The following VCPIP1 variants were observed in gnomAD, a reference collection of about 807,000 sequenced individuals.
The protein encoded by VCPIP1 is deubiquitinating protein VCPIP1.
Under a neutral mutation model 85.0 loss-of-function variants are expected in VCPIP1, and 8 were observed. That is an observed-to-expected ratio of 0.09 (90% confidence interval 0.06 to 0.17). The LOEUF (loss-of-function observed/expected upper bound fraction) is 0.17, where lower values mean the gene tolerates loss of function less well. VCPIP1 is among the 10% of genes least tolerant of loss of function. The probability of loss-of-function intolerance (pLI) is 1.00; values close to 1 mark genes in which losing one functional copy is unlikely to be tolerated. For missense variants in VCPIP1, 1,070 were observed against 1,486.3 expected, an observed-to-expected ratio of 0.72 and a Z score of 4.61; for synonymous variants, 543 against 544.5, an observed-to-expected ratio of 1.00 and a Z score of 0.04.
In VCPIP1 at chr8:66,630,971, G is replaced by A. The variant is rs952877632; in HGVS notation, c.*3530C>T. Reference sequence around the variant, plus strand: ...TTATACTGTGAAGAGCCTTAAGGTTGTACAATTTTGTTAAATTATATGATA... The same window carrying A: ...TTATACTGTGAAGAGCCTTAAGGTTATACAATTTTGTTAAATTATATGATA... On this transcript the variant is annotated 3_prime_UTR_variant, in exon 3 of 3. Transcript: ENST00000310421. 3.9e-5 allele frequency: 6 copies of A among 152,346 alleles called. No individual in the cohort carries two copies. Among genetic ancestry groups the A allele is most frequent in the African/African-American group, 1.2e-4 (5 of 41,424 alleles). 9.4% of individuals were successfully genotyped at this position (152,346 alleles called of 1,614,324 possible).
In VCPIP1 at chr8:66,635,007, T is replaced by C; in HGVS notation, c.3163A>G (p.Asn1055Asp). 6.2e-7 allele frequency: 1 copy of C among 1,613,674 alleles called. No homozygotes were observed. Among genetic ancestry groups the C allele is most frequent in the Non-Finnish European group, 8.5e-7 (1 of 1,179,664 alleles). Reference protein sequence around the residue: ...ARETSVVRKHNTGTDFSNSST... With the variant: ...ARETSVVRKHDTGTDFSNSST... ...CTATTACTAAAGTCTGTCCCTGTAT[T>C]ATGCTTTCTTACAACTGAAGTTTCC... Residue 1055 changes from asparagine to aspartate, a missense_variant, in exon 3 of 3, where the codon AAT (asparagine) becomes GAT (aspartate). Around this residue, in one of 8 missense-constraint regions of VCPIP1, gnomAD observed 255 missense variants for 289.5 expected, o/e 0.88. Coordinates refer to ENST00000310421, the MANE Select transcript of VCPIP1 (RefSeq NM_025054.5).
rs74901890 is a variant in VCPIP1 at position 66,665,731 on chromosome 8, A to G, written c.1228T>C (p.Leu410=). 0.013 allele frequency: 20,248 copies of G among 1,614,140 alleles called. 483 individuals are homozygous for G. Among genetic ancestry groups the G allele is most frequent in the South Asian group, 0.038 (3,484 of 91,076 alleles). Residue 410 remains leucine, a synonymous_variant, in exon 1 of 3, where the codon TTA becomes CTA. Coordinates refer to ENST00000310421, the MANE Select transcript of VCPIP1 (RefSeq NM_025054.5). This position sits in a 1 kb window ranked among gnomAD's most constrained non-coding sequence, Gnocchi z 4.3. ...TCCATAGCAGCAACAAGCCTAAGTA[A>G]GTATTTATCTTGCAAACTTCTGTCA... ...GGDRSLQDKY[L]LRLVAAMEEV...
intron 1 of VCPIP1, among the ~76,000 whole-genome samples, chr8:66,652,832 AG>A (rs1488274492): frequency 6.6e-6 from 1 of 152,192 alleles, no homozygotes; most frequent in African/African-American, 2.4e-5. Flanking sequence ...TTTGCTTTAT[AG>A]TTTACATTCT....
rs1810844072 is a variant in VCPIP1 at position 66,632,479 on chromosome 8, C to T, written c.*2022G>A. 6.6e-6 allele frequency: 1 copy of T among 152,104 alleles called. No homozygotes were observed. The highest frequency in any genetic ancestry group is 1.5e-5 in the Non-Finnish European group (1 of 67,952). The allele number at this position is 152,104 out of a possible 1,614,324, so 9.4% of individuals were successfully genotyped here. The stretch of plus-strand genomic sequence containing the variant: ...TAAAGTTGTCAGAGATTAAGTCCAT[C>T]TTCTAACATTCACATACGCATTCCA... On this transcript the variant is annotated 3_prime_UTR_variant, in exon 3 of 3. Transcript: ENST00000310421.
At chr8:66,647,359 ATAAG>A (rs1200201543) in intron 2 of VCPIP1, among the ~76,000 whole-genome samples, 11 of 151,824 alleles carry the variant, frequency 7.2e-5, no homozygotes, top group Admixed American at 7.2e-4. Flanking sequence ...AAGTAAGTAA[ATAAG>A]TAAGTAAATA....
intron 1 of VCPIP1, among the ~76,000 whole-genome samples, chr8:66,656,736 G>C (rs544427478): frequency 6.6e-6 from 1 of 151,208 alleles, no homozygotes; most frequent in Non-Finnish European, 1.5e-5. Context: ...CAGCCTCCTG[G>C]GTAGCTGGGA....
intron 2 of VCPIP1, among the ~76,000 whole-genome samples, chr8:66,643,819 C>T (rs1362844651): frequency 7.9e-6 from 1 of 127,228 alleles, no homozygotes; most frequent in South Asian, 2.4e-4. Context: ...AGAAAAATAA[C>T]AAACAAAAAA....
At chr8:66,651,704 T>C (rs1053492265) in intron 1 of VCPIP1, among the ~76,000 whole-genome samples, 160 bp from the exon 2 acceptor site, 17 of 152,170 alleles carry the variant, frequency 1.1e-4, no homozygotes, top group African/African-American at 4.1e-4. Context: ...TGACAGATTG[T>C]GGCATACTAG....
intron 2 of VCPIP1, 101 bp downstream of exon 2, chr8:66,651,357 T>TA: frequency 1.1e-6 from 1 of 892,488 alleles, no homozygotes; most frequent in Non-Finnish European, 1.6e-6. Flanking sequence ...AACCTAAAAT[T>TA]AACTTTGAAA....
In VCPIP1 at chr8:66,630,427, T is replaced by A. The variant is rs965922881; in HGVS notation, c.*4074A>T. 1 of 152,594 alleles carries A rather than the reference T, an allele frequency of 6.6e-6. No individual in the cohort carries two copies. Among genetic ancestry groups the A allele is most frequent in the African/African-American group, 2.4e-5 (1 of 41,446 alleles). 9.5% of individuals were successfully genotyped at this position (152,594 alleles called of 1,614,324 possible). On this transcript the variant is annotated 3_prime_UTR_variant, in exon 3 of 3. Transcript: ENST00000310421. ...CTTAGTCAAATAAGCCTGAAAATAC[T>A]GGCAACCTTTTCAGTCTTGCATTGC...
Position 66,635,021 on chromosome 8 carries a change from A to G in VCPIP1, c.3149T>C (p.Val1050Ala), listed in dbSNP as rs1439039705. 3.1e-6 allele frequency: 5 copies of G among 1,613,558 alleles called. No homozygotes were observed. In the African/African-American group the frequency reaches 5.3e-5, roughly 17 times the overall value. ...HLDPRARETS[V>A]VRKHNTGTDF... ...TGTCCCTGTATTATGCTTTCTTACA[A>G]CTGAAGTTTCCCTAGCTCTTGGATC... Residue 1050 changes from valine to alanine, a missense_variant, in exon 3 of 3, where the codon GTT becomes GCT. Physicochemically the swap from Val to Ala is moderately conservative, Grantham distance 64. Around this residue, in one of 8 missense-constraint regions of VCPIP1, gnomAD observed 255 missense variants for 289.5 expected, o/e 0.88. Coordinates refer to ENST00000310421, the MANE Select transcript of VCPIP1 (RefSeq NM_025054.5).
chr8:66,664,172 T>C, intron 1 of VCPIP1, 77 bp downstream of exon 1: 1 of 1,416,112 alleles, frequency 7.1e-7, no homozygotes, highest in Middle Eastern at 1.9e-4. Flanking sequence ...AGATTTCTTT[T>C]CCCCCAAAGA....
At chr8:66,652,613 CA>C (rs535325193) in intron 1 of VCPIP1, among the ~76,000 whole-genome samples, 1,845 of 118,296 alleles carry the variant, frequency 0.016, 31 homozygotes, top group African/African-American at 0.046. Flanking sequence ...AACTCTATCT[CA>C]AAAAAAAAAA....
chr8:66,659,858 G>A (rs899798831), intron 1 of VCPIP1, among the ~76,000 whole-genome samples: 2 of 152,064 alleles, frequency 1.3e-5, no homozygotes, highest in African/African-American at 4.8e-5. Flanking sequence ...CCAGGAAGCA[G>A]AGGTTGCAGT....
intron 2 of VCPIP1, among the ~76,000 whole-genome samples, chr8:66,638,970 C>CTCTATATATATATATATATATATA: frequency 1.7e-5 from 2 of 118,424 alleles, no homozygotes; most frequent in African/African-American, 7.8e-5. Flanking sequence ...CTCTCTCTCT[C>CTCTATATATATATATATATATATA]TATATATATA....
intron 2 of VCPIP1, among the ~76,000 whole-genome samples, chr8:66,642,794 C>T (rs1056577785): frequency 6.6e-6 from 1 of 151,404 alleles, no homozygotes; most frequent in Non-Finnish European, 1.5e-5. Flanking sequence ...CCCCATGCCA[C>T]CCCCTTATCC....
At chr8:66,643,139 A>G (rs1161796000) in intron 2 of VCPIP1, among the ~76,000 whole-genome samples, 1 of 151,954 alleles carries the variant, frequency 6.6e-6, no homozygotes, top group African/African-American at 2.4e-5. Flanking sequence ...CCTGGCCAAC[A>G]TGGCGAAACC....
chr8:66,658,161 C>T (rs760071525), intron 1 of VCPIP1, among the ~76,000 whole-genome samples: 1 of 151,908 alleles, frequency 6.6e-6, no homozygotes, highest in Non-Finnish European at 1.5e-5. Context: ...TGGTGAAACC[C>T]CGTCTCTACT....
Position 66,630,414 on chromosome 8 carries a change from A to G in VCPIP1, c.*4087T>C, listed in dbSNP as rs1810822716. 6.6e-6 allele frequency: 1 copy of G among 152,654 alleles called. No homozygotes were observed. The highest frequency in any genetic ancestry group is 1.5e-5 in the Non-Finnish European group (1 of 68,042). 9.5% of individuals were successfully genotyped at this position (152,654 alleles called of 1,614,324 possible). A position where few individuals can be genotyped will look rare whatever the true frequency, so the allele number is the denominator to read the frequency against. ...CTTGGCACTAATTCTTAGTCAAATA[A>G]GCCTGAAAATACTGGCAACCTTTTC... On this transcript the variant is annotated 3_prime_UTR_variant, in exon 3 of 3. Coordinates refer to ENST00000310421, the MANE Select transcript of VCPIP1 (RefSeq NM_025054.5).
Sources: allele counts gnomAD v4.1 joint callset (sites outside exome capture counted in the v4.1 genomes callset), GRCh38; gene constraint gnomAD v4.1.1; regional missense constraint gnomAD v4.1.1; non-coding constraint Gnocchi (gnomAD v3.1); transcripts MANE v1.5; gene names NCBI Gene and HGNC (gene_info 2026-07-23, HGNC 2026-07-21).